The following GTF2IRD1 variants were observed in gnomAD, a reference collection of about 807,000 sequenced individuals.
GTF2IRD1 encodes the protein GTF2I repeat domain containing 1.
Under a neutral mutation model 113.2 loss-of-function variants are expected in GTF2IRD1, and 26 were observed. The ratio of observed to expected loss-of-function variants is 0.23; its 90% CI spans 0.17 to 0.32. The LOEUF is 0.32. GTF2IRD1 is among the 10% of genes least tolerant of loss of function. The probability of loss-of-function intolerance (pLI) is 1.00; values close to 1 mark genes in which losing one functional copy is unlikely to be tolerated. For missense variants in GTF2IRD1, 864 were observed against 1,280.8 expected, an observed-to-expected ratio of 0.67 and a Z score of 4.97; for synonymous variants, 484 against 529.1, an observed-to-expected ratio of 0.91 and a Z score of 1.17.
At chr7:74,490,634 G>A (rs974078656) in intron 1 of GTF2IRD1, among the ~76,000 whole-genome samples, 4 of 151,260 alleles carry the variant, frequency 2.6e-5, no homozygotes, top group Non-Finnish European at 5.9e-5. Context: ...ATATGGCAGC[G>A]GATGGTGCGG....
Position 74,533,727 on chromosome 7 carries a change from A to G in GTF2IRD1, c.1275-1386A>G, listed in dbSNP as rs1000012134. Reference sequence around the variant, plus strand: ...CACTGCTTGGGCCCCCTTGATTTCTAAGACACCTGTGAAGGGTCCCACAAG... The same window carrying G: ...CACTGCTTGGGCCCCCTTGATTTCTGAGACACCTGTGAAGGGTCCCACAAG... On this transcript the variant is annotated intron_variant, in intron 9 of 26. Transcript: ENST00000424337. 1.3e-4 allele frequency among the ~76,000 whole-genome samples: 19 copies of G among 151,922 alleles called. 1 individual carries two copies. The highest frequency in any genetic ancestry group is 1.2e-3 in the Admixed American group (18 of 15,234).
At chr7:74,484,782 A>G (rs1486065453) in intron 1 of GTF2IRD1, among the ~76,000 whole-genome samples, 2 of 152,076 alleles carry the variant, frequency 1.3e-5, no homozygotes, top group African/African-American at 4.8e-5. Context: ...AAGGCTCAGT[A>G]ATATTCCATT....
At chr7:74,544,833 A>ACCCACC (rs1798832922) in intron 15 of GTF2IRD1, 31 bp downstream of exon 15, 1 of 1,568,716 alleles carries the variant, frequency 6.4e-7, no homozygotes. Flanking sequence ...GACATTTTAC[A>ACCCACC]CCCACCCCCA....
At chr7:74,585,165 T>G (rs1416335230) in intron 22 of GTF2IRD1, among the ~76,000 whole-genome samples, 2 of 143,524 alleles carry the variant, frequency 1.4e-5, no homozygotes, top group African/African-American at 5.2e-5. Flanking sequence ...TAGGCTGGAG[T>G]GCAGTGGCGC....
chr7:74,507,115 G>A (rs1024163449), intron 1 of GTF2IRD1: 1 of 152,310 alleles, frequency 6.6e-6, no homozygotes, highest in Non-Finnish European at 1.5e-5. Flanking sequence ...GGACATCACC[G>A]GCTCCTGACC....
intron 1 of GTF2IRD1, chr7:74,505,985 T>C (rs910389617): frequency 5.3e-5 from 8 of 152,236 alleles, no homozygotes; most frequent in African/African-American, 1.9e-4. Context: ...AAGAAATGTC[T>C]TTTATAAACA....
intron 9 of GTF2IRD1, among the ~76,000 whole-genome samples, chr7:74,531,310 G>T (rs1179068151): frequency 6.6e-6 from 1 of 152,156 alleles, no homozygotes; most frequent in Non-Finnish European, 1.5e-5. Context: ...GACAGAGATT[G>T]CAGTGAGCCA....
At chr7:74,594,934 C>T (rs587769298) in intron 24 of GTF2IRD1, 80 bp from the exon 25 acceptor site, 18 of 954,070 alleles carry the variant, frequency 1.9e-5, no homozygotes, top group Admixed American at 3.9e-5. Flanking sequence ...CCTGGGCAAC[C>T]GAGTGAGACT....
intron 1 of GTF2IRD1, among the ~76,000 whole-genome samples, chr7:74,505,727 G>C (rs782323364): frequency 6.6e-6 from 1 of 152,156 alleles, no homozygotes; most frequent in African/African-American, 2.4e-5. Context: ...GGATGGCTTG[G>C]GGGAGGGGGA....
At chr7:74,562,542 C>T (rs1209843118) in intron 22 of GTF2IRD1, among the ~76,000 whole-genome samples, 11 of 146,862 alleles carry the variant, frequency 7.5e-5, no homozygotes, top group South Asian at 4.3e-4. Context: ...GACTATTTTC[C>T]GCCAATTGCC....
chr7:74,597,655 G>A (rs868936253), intron 25 of GTF2IRD1, among the ~76,000 whole-genome samples: 6 of 151,920 alleles, frequency 3.9e-5, no homozygotes, highest in South Asian at 2.1e-4. Flanking sequence ...CCGAGACCCC[G>A]TCTCCTAAGA....
intron 22 of GTF2IRD1, among the ~76,000 whole-genome samples, chr7:74,575,275 G>GAACA (rs1410672594): frequency 6.6e-6 from 1 of 152,164 alleles, no homozygotes; most frequent in African/African-American, 2.4e-5. Context: ...GGGCAGCAGG[G>GAACA]AACAGCATTG....
chr7:74,567,332 T>G (rs1175735871), intron 22 of GTF2IRD1, among the ~76,000 whole-genome samples: 3 of 140,422 alleles, frequency 2.1e-5, no homozygotes, highest in East Asian at 2.1e-4. Context: ...GTCTCAAAAA[T>G]AAAAAAGAAA....
intron 1 of GTF2IRD1, among the ~76,000 whole-genome samples, chr7:74,492,563 C>T (rs1359560332): frequency 1.3e-5 from 2 of 152,274 alleles, no homozygotes; most frequent in East Asian, 3.9e-4. Flanking sequence ...CACTCATGAT[C>T]AATGATGTTG....
Position 74,602,590 on chromosome 7 carries a change from A to AT in GTF2IRD1, c.*157_*158insT. On this transcript the variant is annotated 3_prime_UTR_variant, in exon 27 of 27. Coordinates refer to ENST00000424337, the MANE Select transcript of GTF2IRD1 (RefSeq NM_005685.4). ...AAGGCCTTTTTAAATAAGTAAAAAA[A>AT]GAAAAAAAAAAAAAAGAGTGTTGCC... 4.3e-5 allele frequency: 17 copies of AT among 397,456 alleles called. No individual in the cohort carries two copies. The highest frequency in any genetic ancestry group is 7.9e-5 in the East Asian group (2 of 25,218). The allele number at this position is 397,456 out of a possible 1,614,324, so 24.6% of individuals were successfully genotyped here.
intron 1 of GTF2IRD1, among the ~76,000 whole-genome samples, chr7:74,455,457 G>A (rs1792905864): frequency 6.6e-6 from 1 of 152,234 alleles, no homozygotes; most frequent in Non-Finnish European, 1.5e-5. Flanking sequence ...GGGGCCTTGG[G>A]ACTTGGAAGG....
intron 1 of GTF2IRD1, among the ~76,000 whole-genome samples, chr7:74,479,584 T>C (rs1260184290): frequency 6.6e-6 from 1 of 152,114 alleles, no homozygotes; most frequent in African/African-American, 2.4e-5. Context: ...CCTCCTCACC[T>C]GCAAACGCCA....
At chr7:74,473,672 A>T (rs782601678) in intron 1 of GTF2IRD1, among the ~76,000 whole-genome samples, 3 of 151,694 alleles carry the variant, frequency 2.0e-5, no homozygotes, top group African/African-American at 4.8e-5. Flanking sequence ...AGATGAGGGG[A>T]GGCAGACTGA....
intron 13 of GTF2IRD1, among the ~76,000 whole-genome samples, chr7:74,539,222 G>T (rs1403537365): frequency 6.6e-6 from 1 of 152,162 alleles, no homozygotes; most frequent in Admixed American, 6.6e-5. Context: ...GACACGGGAG[G>T]ATGGCTTGAG....
Sources: gnomAD v4.1 joint callset for allele counts (sites outside exome capture counted in the v4.1 genomes callset) on GRCh38, gnomAD v4.1.1 for gene constraint, MANE v1.5 for transcripts, NCBI Gene and HGNC (gene_info 2026-07-23, HGNC 2026-07-21) for gene names.